The following GPM6A variants were observed in gnomAD, a reference collection of about 807,000 sequenced individuals.
GPM6A encodes the protein glycoprotein M6A, also known as neuronal membrane glycoprotein M6-a.
GPM6A carries 7 observed loss-of-function variants against 32.1 expected under a neutral mutation model. The ratio of observed to expected loss-of-function variants is 0.22; its 90% CI spans 0.12 to 0.41. The LOEUF is 0.41. GPM6A is among the 10% of genes least tolerant of loss of function. The pLI, the probability that GPM6A is intolerant of heterozygous loss-of-function variation, is 1.00. For missense variants in GPM6A, 235 were observed against 347.2 expected (o/e 0.68, Z 2.57); for synonymous variants, 130 against 123.4 (o/e 1.05, Z -0.35).
intron 1 of GPM6A, among the ~76,000 whole-genome samples, chr4:175,940,146 T>G (rs1424658798): frequency 6.6e-6 from 1 of 152,186 alleles, no homozygotes; most frequent in African/African-American, 2.4e-5. Flanking sequence ...TAAGGTGACT[T>G]GGAGTCAGGG....
chr4:175,834,220 T>C (rs1735696807), intron 1 of GPM6A, among the ~76,000 whole-genome samples: 1 of 152,150 alleles, frequency 6.6e-6, no homozygotes, highest in Admixed American at 6.6e-5. Context: ...AAATCTGCTA[T>C]AGAATGTCCC....
chr4:175,832,923 CT>C (rs1735658660), intron 1 of GPM6A, among the ~76,000 whole-genome samples: 3 of 152,268 alleles, frequency 2.0e-5, no homozygotes, highest in African/African-American at 7.2e-5. Context: ...GGTTTCCAGC[CT>C]CTACTATTTC....
At chr4:175,752,917 C>T (rs1017655209) in intron 1 of GPM6A, among the ~76,000 whole-genome samples, 4 of 152,160 alleles carry the variant, frequency 2.6e-5, no homozygotes, top group Admixed American at 6.6e-5. Context: ...GAAAGGAAAA[C>T]GTCATGCTTG....
intron 1 of GPM6A, chr4:175,781,337 C>G (rs1733607940): frequency 6.6e-6 from 1 of 152,076 alleles, no homozygotes; most frequent in African/African-American, 2.4e-5. Flanking sequence ...GGAGGGGCGC[C>G]CAGAGCTCTT....
rs536214765 is a variant in GPM6A at position 175,983,408 on chromosome 4, T to C, written c.-23+18901A>G. Among the ~76,000 whole-genome samples the C allele has an allele frequency of 2.6e-5, 4 of 152,304 alleles. No individual in the cohort carries two copies. The East Asian group carries it at 7.7e-4, about 29-fold the overall frequency. Reference sequence around the variant, plus strand: ...TCCTGTCTCAGCAGACAAAATTCCATCTCCCTCTGTGATTTTTAAAATGTC... The same window carrying C: ...TCCTGTCTCAGCAGACAAAATTCCACCTCCCTCTGTGATTTTTAAAATGTC... On this transcript the variant is annotated intron_variant, in intron 1 of 7. Transcript: ENST00000280187.
chr4:175,949,351 G>A (rs1391430628), intron 1 of GPM6A, among the ~76,000 whole-genome samples: 1 of 151,998 alleles, frequency 6.6e-6, no homozygotes, highest in African/African-American at 2.4e-5. Context: ...TCTCATGGCT[G>A]TGTTGCCCAG....
intron 3 of GPM6A, among the ~76,000 whole-genome samples, chr4:175,668,282 T>G (rs1200937015): frequency 6.6e-6 from 1 of 152,122 alleles, no homozygotes; most frequent in Non-Finnish European, 1.5e-5. Flanking sequence ...TTCAGATACT[T>G]GCAGCAAATA....
intron 4 of GPM6A, among the ~76,000 whole-genome samples, chr4:175,649,754 A>G (rs1255945487): frequency 6.6e-6 from 1 of 152,182 alleles, no homozygotes; most frequent in African/African-American, 2.4e-5. Flanking sequence ...AGTGTCCCTT[A>G]GTTAAACCTG....
intron 1 of GPM6A, among the ~76,000 whole-genome samples, chr4:175,932,452 T>C (rs1288741802): frequency 6.6e-6 from 1 of 152,218 alleles, no homozygotes; most frequent in African/African-American, 2.4e-5. Context: ...CGCCTTGATC[T>C]CGGACTTTCC....
At chr4:175,869,528 G>C (rs371668051) in intron 1 of GPM6A, among the ~76,000 whole-genome samples, 1 of 152,118 alleles carries the variant, frequency 6.6e-6, no homozygotes, top group Non-Finnish European at 1.5e-5. Flanking sequence ...GGAGGCCGAG[G>C]AGGGCAGATC....
At chr4:175,917,009 G>C (rs1379065494) in intron 1 of GPM6A, among the ~76,000 whole-genome samples, 1 of 152,168 alleles carries the variant, frequency 6.6e-6, no homozygotes, top group African/African-American at 2.4e-5. Context: ...CATAGACCCA[G>C]GGTTGATTTA....
rs564544303 is a variant in GPM6A, at chr4:175,797,698, A to G, written c.37+14493T>C. 3.8e-3 allele frequency among the ~76,000 whole-genome samples: 576 copies of G among 152,282 alleles called. 2 individuals carry two copies. Among genetic ancestry groups the G allele is most frequent in the African/African-American group, 0.013 (555 of 41,570 alleles). ...TTTACAATACTTTTTGAAGTAGTCAAGGGCTTATGTACATGATTGTAGGCT... is the reference window on the plus strand; with the variant it reads ...TTTACAATACTTTTTGAAGTAGTCAGGGGCTTATGTACATGATTGTAGGCT... On this transcript the variant is annotated intron_variant, in intron 1 of 6. Transcript: ENST00000393658.
At chr4:175,922,513 T>C (rs1469640087) in intron 1 of GPM6A, among the ~76,000 whole-genome samples, 1 of 152,164 alleles carries the variant, frequency 6.6e-6, no homozygotes, top group East Asian at 1.9e-4. Context: ...ACTGGAAAGG[T>C]TCCCAAAGGC....
intron 1 of GPM6A, among the ~76,000 whole-genome samples, chr4:175,988,063 A>G (rs17062351): frequency 0.13 from 19,145 of 152,100 alleles, 1,309 homozygotes; most frequent in East Asian, 0.24. Flanking sequence ...ATCTTCCCAA[A>G]TCTACCTTTA....
At chr4:175,761,145 G>A (rs967185857) in intron 1 of GPM6A, among the ~76,000 whole-genome samples, 3 of 152,068 alleles carry the variant, frequency 2.0e-5, no homozygotes, top group Non-Finnish European at 4.4e-5. Flanking sequence ...TTGCTTTAGC[G>A]CAAAAATTTT....
intron 2 of GPM6A, among the ~76,000 whole-genome samples, chr4:175,700,740 A>G (rs1392677027): frequency 6.6e-6 from 1 of 152,232 alleles, no homozygotes; most frequent in Admixed American, 6.5e-5. Flanking sequence ...ATAAGGGCTC[A>G]GGAGACAAGT....
chr4:175,897,614 A>C (rs1327435482), intron 1 of GPM6A, among the ~76,000 whole-genome samples: 1 of 152,164 alleles, frequency 6.6e-6, no homozygotes, highest in African/African-American at 2.4e-5. Context: ...TCTTGCTTAA[A>C]CTGTAAAAAC....
intron 1 of GPM6A, among the ~76,000 whole-genome samples, chr4:175,997,848 T>A (rs1016466718): frequency 2.0e-5 from 3 of 152,226 alleles, no homozygotes; most frequent in Non-Finnish European, 2.9e-5. Flanking sequence ...CTCTTAAATC[T>A]AATGTGGAAT....
rs1435348769 is a variant in GPM6A, at chr4:175,956,600, A to G, written c.-23+45709T>C. Among the ~76,000 whole-genome samples the G allele has an allele frequency of 4.6e-5, 7 of 152,186 alleles. No homozygotes were observed. In the South Asian group the frequency reaches 1.4e-3, roughly 31 times the overall value. On this transcript the variant is annotated intron_variant, in intron 1 of 7. Transcript: ENST00000280187. ...TTTGAAGTACTTAGTTGAAGATTCA[A>G]TGAGATAAGAAGCCATCTACCAGTT...
Sources: allele counts gnomAD v4.1 joint callset (sites outside exome capture counted in the v4.1 genomes callset), GRCh38; gene constraint gnomAD v4.1.1; transcripts MANE v1.5; gene names NCBI Gene and HGNC (gene_info 2026-07-23, HGNC 2026-07-21).